Variants in NEK11 observed in about 807,000 individuals in gnomAD.
NEK11 encodes NIMA related kinase 11.
A neutral mutation model predicts 80.7 loss-of-function variants in NEK11; 72 were observed. The ratio of observed to expected loss-of-function variants is 0.89; its 90% CI spans 0.74 to 1.08. NEK11 has a LOEUF of 1.08. Ranked by LOEUF, NEK11 falls within the 50% of genes least tolerant of loss-of-function variation. The probability of loss-of-function intolerance (pLI) is 0.00; values close to 1 mark genes in which losing one functional copy is unlikely to be tolerated. For synonymous variants in NEK11, 251 were observed against 260.7 expected (o/e 0.96, Z 0.36); for missense variants, 764 against 763.6 (o/e 1.00, Z -0.01).
chr3:131,109,101 A>T (rs2079656540), intron 4 of NEK11, among the ~76,000 whole-genome samples: 1 of 152,128 alleles, frequency 6.6e-6, no homozygotes, highest in Non-Finnish European at 1.5e-5. Flanking sequence ...ATATAATAAA[A>T]AATAATTTAG....
chr3:131,198,024 T>C lies in NEK11; in HGVS notation c.1399+27137T>C, dbSNP rs1401005074. Among the ~76,000 whole-genome samples the C allele has an allele frequency of 2.0e-5, 3 of 152,174 alleles. No homozygotes were observed. In the East Asian group the frequency reaches 5.8e-4, roughly 29 times the overall value. On this transcript the variant is annotated intron_variant, in intron 14 of 17. Coordinates refer to ENST00000383366, the MANE Select transcript of NEK11 (RefSeq NM_024800.5). ...TAGGTGTTCCCTCGAAATTAGGAATTCCCTTTCTCTCCATATTGCTGCATG... is the reference window on the plus strand; with the variant it reads ...TAGGTGTTCCCTCGAAATTAGGAATCCCCTTTCTCTCCATATTGCTGCATG...
intron 16 of NEK11, among the ~76,000 whole-genome samples, chr3:131,252,860 A>G (rs1426073361): frequency 6.6e-6 from 1 of 152,166 alleles, no homozygotes. Context: ...ACCCCAATTT[A>G]TAATTCAAAC....
At chr3:131,101,704 G>A (rs2078390224) in intron 4 of NEK11, among the ~76,000 whole-genome samples, 1 of 152,188 alleles carries the variant, frequency 6.6e-6, no homozygotes, top group African/African-American at 2.4e-5. Flanking sequence ...ATATTCTGTG[G>A]TTGTTGGATG....
At chr3:131,346,716 T>C (rs939253741) in intron 17 of NEK11, among the ~76,000 whole-genome samples, 4 of 151,556 alleles carry the variant, frequency 2.6e-5, no homozygotes, top group African/African-American at 9.7e-5. Context: ...ATCATGGGGG[T>C]AGAGTCGAAG....
chr3:131,069,692 T>C (rs1577773907), intron 3 of NEK11, among the ~76,000 whole-genome samples: 1 of 151,504 alleles, frequency 6.6e-6, no homozygotes, highest in Non-Finnish European at 1.5e-5. Context: ...ATGGATGAAA[T>C]TGGAAATCAT....
intron 9 of NEK11, 32 bp from the exon 10 acceptor site, chr3:131,155,004 T>C (rs961048012): frequency 7.6e-7 from 1 of 1,321,542 alleles, no homozygotes; most frequent in African/African-American, 1.4e-5. Flanking sequence ...AGAGGAGCCT[T>C]TAAGATATGT....
chr3:131,206,123 C>A (rs765055619), intron 14 of NEK11, among the ~76,000 whole-genome samples: 2 of 152,160 alleles, frequency 1.3e-5, no homozygotes, highest in East Asian at 3.9e-4. Context: ...GGCACCACAC[C>A]GTAACGTGAC....
At chr3:131,227,247 ATCT>A (rs1248033471) in intron 14 of NEK11, among the ~76,000 whole-genome samples, 1 of 152,158 alleles carries the variant, frequency 6.6e-6, no homozygotes, top group Non-Finnish European at 1.5e-5. Flanking sequence ...ACATTTTAAC[ATCT>A]TCTATTTCCA....
intron 17 of NEK11, among the ~76,000 whole-genome samples, chr3:131,306,618 G>C (rs1464585558): frequency 1.3e-5 from 2 of 152,182 alleles, no homozygotes; most frequent in African/African-American, 4.8e-5. Flanking sequence ...GCTCTGATTA[G>C]TAGATTAGGC....
intron 16 of NEK11, among the ~76,000 whole-genome samples, chr3:131,247,356 C>A (rs975541781): frequency 1.3e-5 from 2 of 152,140 alleles, no homozygotes; most frequent in African/African-American, 2.4e-5. Context: ...ATTATCCCAG[C>A]ACGATTTGTT....
At chr3:131,054,790 A>AAATAAATAAATG (rs1199939257) in intron 3 of NEK11, among the ~76,000 whole-genome samples, 1 of 136,760 alleles carries the variant, frequency 7.3e-6, no homozygotes, top group Non-Finnish European at 1.5e-5. Flanking sequence ...ATAAATAAAT[A>AAATAAATAAATG]AATGAATGAA....
chr3:131,183,271 C>A (rs1268481262), intron 14 of NEK11, among the ~76,000 whole-genome samples: 1 of 152,144 alleles, frequency 6.6e-6, no homozygotes, highest in East Asian at 1.9e-4. Flanking sequence ...AGGCCAACTT[C>A]TTTTTTTAAA....
chr3:131,191,145 A>T lies in NEK11; in HGVS notation c.1399+20258A>T, dbSNP rs181909986. 2.1e-4 allele frequency among the ~76,000 whole-genome samples: 32 copies of T among 152,298 alleles called. 1 individual carries two copies. The highest frequency in any genetic ancestry group is 7.5e-4 in the African/African-American group (31 of 41,572). On this transcript the variant is annotated intron_variant, in intron 14 of 17. Transcript: ENST00000383366. ...CAGTTTTTTCTTTGATAATTTCAAA[A>T]AATACATTTAATACCTAGAAAAAAT...
intron 17 of NEK11, among the ~76,000 whole-genome samples, chr3:131,332,339 T>C (rs2097104487): frequency 6.6e-6 from 1 of 152,232 alleles, no homozygotes; most frequent in Non-Finnish European, 1.5e-5. Context: ...CCACCGCTGC[T>C]GTTACCCAGG....
intron 15 of NEK11, among the ~76,000 whole-genome samples, chr3:131,231,830 C>T (rs2095335860): frequency 6.6e-6 from 1 of 152,032 alleles, no homozygotes; most frequent in Non-Finnish European, 1.5e-5. Context: ...TCTGAGTGTG[C>T]CAGGGTCTGC....
chr3:131,137,657 A>AT (rs1157951381), intron 7 of NEK11, among the ~76,000 whole-genome samples: 1 of 152,114 alleles, frequency 6.6e-6, no homozygotes, highest in Non-Finnish European at 1.5e-5. Flanking sequence ...ACATTAATAT[A>AT]TTTTTTTCAA....
chr3:131,208,442 T>A (rs2094509131), intron 14 of NEK11, among the ~76,000 whole-genome samples: 1 of 152,234 alleles, frequency 6.6e-6, no homozygotes, highest in Non-Finnish European at 1.5e-5. Context: ...GTCTTAGCAA[T>A]GTGGGCTCTT....
intron 3 of NEK11, among the ~76,000 whole-genome samples, chr3:131,047,128 A>C (rs2067521772): frequency 6.6e-6 from 1 of 152,170 alleles, no homozygotes; most frequent in Non-Finnish European, 1.5e-5. Context: ...GTCCATTTCC[A>C]GAAGTATCAC....
chr3:131,119,167 G>C (rs985102663), intron 5 of NEK11, among the ~76,000 whole-genome samples: 1 of 152,060 alleles, frequency 6.6e-6, no homozygotes, highest in Non-Finnish European at 1.5e-5. Context: ...CTGGTATGTT[G>C]TGTCTTTGTT....
Sources: allele counts gnomAD v4.1 joint callset (sites outside exome capture counted in the v4.1 genomes callset), GRCh38; gene constraint gnomAD v4.1.1; transcripts MANE v1.5; gene names NCBI Gene and HGNC (gene_info 2026-07-23, HGNC 2026-07-21).